Variants in TMEM273 observed in about 807,000 individuals in gnomAD.
TMEM273 encodes the protein chromosome 10 open reading frame 128.
Under a neutral mutation model 17.9 loss-of-function variants are expected in TMEM273, and 19 were observed. The observed-to-expected ratio is 1.06, with a 90% CI of 0.74 to 1.55. TMEM273 has a LOEUF of 1.55. Among genes scored for constraint, TMEM273 ranks in the 40% most tolerant of loss-of-function variants. The pLI is 0.00. For synonymous variants in TMEM273, 66 were observed against 62.0 expected (o/e 1.07, Z -0.31); for missense variants, 194 against 155.6 (o/e 1.25, Z -1.31).
At chr10:49,187,581 T>C (rs187308623) in intron 1 of TMEM273, among the ~76,000 whole-genome samples, 1 of 152,248 alleles carries the variant, frequency 6.6e-6, no homozygotes, top group Non-Finnish European at 1.5e-5. Context: ...TCCATCTCTG[T>C]CTCCATCTAT....
chr10:49,170,329 C>A (rs1368602781), intron 1 of TMEM273, among the ~76,000 whole-genome samples: 1 of 152,114 alleles, frequency 6.6e-6, no homozygotes, highest in Non-Finnish European at 1.5e-5. Flanking sequence ...GCCAGGCTGT[C>A]CTGCATCCTT....
rs534955361 is a variant in TMEM273 at position 49,155,638 on chromosome 10, C to T, written c.*254G>A. On this transcript the variant is annotated 3_prime_UTR_variant, in exon 7 of 7. Transcript: ENST00000374153. ...ACAGGGTGAAGCTTTTGGTGTCCAC[C>T]TTCTTCCACTGCAGGCTAAATTGCT... 3.5e-6 allele frequency: 2 copies of T among 576,880 alleles called. No individual in the cohort carries two copies. Among genetic ancestry groups the T allele is most frequent in the East Asian group, 5.8e-5 (2 of 34,238 alleles). 35.7% of individuals were successfully genotyped at this position (576,880 alleles called of 1,614,324 possible).
intron 1 of TMEM273, among the ~76,000 whole-genome samples, chr10:49,185,697 A>T (rs1847620522): frequency 6.6e-6 from 1 of 152,192 alleles, no homozygotes; most frequent in Non-Finnish European, 1.5e-5. Flanking sequence ...GATAAAGGAT[A>T]GCCGGGCACG....
At position 49,168,748 on chromosome 10, in the gene TMEM273, AAG is replaced by A. The variant is rs544496320; in HGVS notation, c.44-788_44-787del. On this transcript the variant is annotated intron_variant, in intron 1 of 6. Coordinates refer to ENST00000374153, the MANE Select transcript of TMEM273 (RefSeq NM_001288740.3). ...TGGGAAGGAAGGAAAGAAAGAAGGA[AAG>A]AGAGCATGCTGTAAGGGTCCCTCCC... Among the ~76,000 whole-genome samples, 32 of 151,828 alleles carry A rather than the reference AAG, an allele frequency of 2.1e-4. No homozygotes were observed. In the East Asian group the frequency reaches 6.0e-3, roughly 29 times the overall value.
intron 5 of TMEM273, among the ~76,000 whole-genome samples, chr10:49,162,452 A>G (rs1845907408): frequency 6.6e-6 from 1 of 152,200 alleles, no homozygotes; most frequent in South Asian, 2.1e-4. Flanking sequence ...GATGTCCCTG[A>G]AGCATGGTCT....
intron 1 of TMEM273, among the ~76,000 whole-genome samples, chr10:49,171,056 A>G (rs745307482): frequency 1.8e-4 from 28 of 152,356 alleles, no homozygotes; most frequent in South Asian, 4.1e-4. Context: ...GAGGACCAGC[A>G]GGAACTGCAC....
intron 4 of TMEM273, 72 bp downstream of exon 4, chr10:49,165,694 G>T: frequency 3.1e-6 from 5 of 1,591,254 alleles, no homozygotes; most frequent in Middle Eastern, 1.7e-4. Flanking sequence ...GGGATGACAG[G>T]CAAGGGAGTG....
At chr10:49,165,181 G>T (rs1302001013) in intron 5 of TMEM273, 24 bp downstream of exon 5, 2 of 1,534,426 alleles carry the variant, frequency 1.3e-6, no homozygotes, top group African/African-American at 1.4e-5. Context: ...GAGAATGGTG[G>T]CTGGAGTCGA....
chr10:49,183,200 A>G (rs551621585), intron 1 of TMEM273, among the ~76,000 whole-genome samples: 2 of 152,308 alleles, frequency 1.3e-5, no homozygotes, highest in Non-Finnish European at 2.9e-5. Context: ...TGATAAATAG[A>G]TTATATAAAA....
chr10:49,175,459 GC>G (rs2132229509), intron 1 of TMEM273, among the ~76,000 whole-genome samples: 1 of 152,368 alleles, frequency 6.6e-6, no homozygotes, highest in Admixed American at 6.5e-5. Context: ...CTTGCCTCTA[GC>G]TTCCAGAAAT....
chr10:49,156,607 T>A (rs1384291960), intron 6 of TMEM273, among the ~76,000 whole-genome samples: 2 of 152,318 alleles, frequency 1.3e-5, no homozygotes, highest in Middle Eastern at 3.4e-3. Flanking sequence ...CATTGAATGA[T>A]GCAAAATTGT....
At chr10:49,181,440 A>G (rs193233658) in intron 1 of TMEM273, among the ~76,000 whole-genome samples, 149 of 152,332 alleles carry the variant, frequency 9.8e-4, no homozygotes, top group African/African-American at 3.4e-3. Context: ...AAAGTAGAAG[A>G]AATCACTCTA....
chr10:49,165,728 A>G (rs1846134738), intron 4 of TMEM273, 38 bp downstream of exon 4: 2 of 1,613,000 alleles, frequency 1.2e-6, no homozygotes, highest in Non-Finnish European at 1.7e-6. Flanking sequence ...AGGAGAGAAC[A>G]CGATACCTCT....
intron 1 of TMEM273, among the ~76,000 whole-genome samples, chr10:49,179,398 C>T (rs1847199997): frequency 6.6e-6 from 1 of 152,202 alleles, no homozygotes; most frequent in Non-Finnish European, 1.5e-5. Context: ...CCTTCTTTCA[C>T]CCCATGGGGA....
At chr10:49,187,564 G>A (rs1490856584) in intron 1 of TMEM273, among the ~76,000 whole-genome samples, 3 of 152,142 alleles carry the variant, frequency 2.0e-5, no homozygotes, top group Admixed American at 6.5e-5. Context: ...AAAGGCATGT[G>A]TCTCTCTCCA....
intron 1 of TMEM273, among the ~76,000 whole-genome samples, chr10:49,169,250 C>G (rs1312927653): frequency 6.6e-6 from 1 of 152,184 alleles, no homozygotes; most frequent in Non-Finnish European, 1.5e-5. Flanking sequence ...TGCTACCACT[C>G]CTGTTTCTCA....
chr10:49,161,721 T>C, intron 5 of TMEM273, 99 bp from the exon 6 acceptor site: 2 of 1,497,700 alleles, frequency 1.3e-6, no homozygotes, highest in South Asian at 2.3e-5. Flanking sequence ...TGTCATTAGC[T>C]TGCTCTTTTG....
In TMEM273 at chr10:49,188,154, C is replaced by G. The variant is rs1305779017; in HGVS notation, c.43+140G>C. 8.3e-6 allele frequency: 8 copies of G among 961,518 alleles called. No homozygotes were observed. The Admixed American group carries it at 1.7e-4, about 21-fold the overall frequency. 59.6% of individuals were successfully genotyped at this position (961,518 alleles called of 1,614,324 possible). Reference sequence around the variant, plus strand: ...AGACAAACAAGATCATTGCTCACTACCAGATCAAAGTGAGAAACATCATCT... The same window carrying G: ...AGACAAACAAGATCATTGCTCACTAGCAGATCAAAGTGAGAAACATCATCT... On this transcript the variant is annotated intron_variant, in intron 1 of 6. Coordinates refer to ENST00000374153, the MANE Select transcript of TMEM273 (RefSeq NM_001288740.3).
chr10:49,175,624 T>C (rs1376432459), intron 1 of TMEM273, among the ~76,000 whole-genome samples: 1 of 152,252 alleles, frequency 6.6e-6, no homozygotes, highest in Non-Finnish European at 1.5e-5. Context: ...GCCAAACTGA[T>C]CAATACCTTT....
Sources: gnomAD v4.1 joint callset for allele counts (sites outside exome capture counted in the v4.1 genomes callset) on GRCh38, gnomAD v4.1.1 for gene constraint, MANE v1.5 for transcripts, NCBI Gene and HGNC (gene_info 2026-07-23, HGNC 2026-07-21) for gene names.